Variants in SPMIP3 observed in about 807,000 individuals in gnomAD.
SPMIP3 encodes the protein protein SPMIP3.
the SPMIP3 span, among the ~76,000 whole-genome samples, chr1:244,377,743 G>A: frequency 6.6e-6 from 1 of 152,276 alleles, no homozygotes; most frequent in African/African-American, 2.4e-5. Flanking sequence ...GTACAGGAAG[G>A]TTGTAATGAT....
At chr1:244,389,217 A>G in the SPMIP3 span, 1 of 622,552 alleles carries the variant, frequency 1.6e-6, no homozygotes, top group Non-Finnish European at 2.8e-6. Flanking sequence ...TTTGCAGATT[A>G]AGTTGGTCAG....
At chr1:244,369,923 C>T in the SPMIP3 span, among the ~76,000 whole-genome samples, 23 of 152,092 alleles carry the variant, frequency 1.5e-4, no homozygotes, top group East Asian at 3.9e-4. Context: ...GGGAAGATGG[C>T]GCCTCCATGT....
the SPMIP3 span, among the ~76,000 whole-genome samples, chr1:244,384,467 G>C: frequency 1.3e-5 from 2 of 152,112 alleles, no homozygotes; most frequent in Non-Finnish European, 2.9e-5. Context: ...GCCTCCCAAA[G>C]TGCTGGGATT....
chr1:244,358,576 G>C, the SPMIP3 span, among the ~76,000 whole-genome samples: 105,617 of 149,886 alleles, frequency 0.7, 37,815 homozygotes, highest in South Asian at 0.8. Context: ...TAGAGTGAGA[G>C]TGTCTCAAAA....
the SPMIP3 span, among the ~76,000 whole-genome samples, chr1:244,380,791 G>A: frequency 3.3e-5 from 5 of 152,154 alleles, no homozygotes; most frequent in Non-Finnish European, 7.3e-5. Context: ...CTGGGTCCCA[G>A]GGAACAGCAA....
the SPMIP3 span, among the ~76,000 whole-genome samples, chr1:244,381,128 C>T: frequency 6.6e-6 from 1 of 151,844 alleles, no homozygotes; most frequent in African/African-American, 2.4e-5. Context: ...TGGGGATTAG[C>T]TTGACACGGG....
chr1:244,377,951 G>A, the SPMIP3 span, among the ~76,000 whole-genome samples: 2 of 152,156 alleles, frequency 1.3e-5, no homozygotes, highest in Non-Finnish European at 2.9e-5. Context: ...GACTACAGGT[G>A]TACACCCCCA....
chr1:244,366,827 C>T, the SPMIP3 span, among the ~76,000 whole-genome samples: 2 of 152,052 alleles, frequency 1.3e-5, no homozygotes, highest in Non-Finnish European at 2.9e-5. Context: ...TTGCGATGAG[C>T]CGAGATCGCA....
the SPMIP3 span, among the ~76,000 whole-genome samples, chr1:244,374,674 G>A: frequency 7.7e-6 from 1 of 130,316 alleles, no homozygotes; most frequent in South Asian, 2.4e-4. Flanking sequence ...TCAGCTCACT[G>A]CAACTTCTGC....
chr1:244,383,645 TA>T, the SPMIP3 span, among the ~76,000 whole-genome samples: 2 of 152,120 alleles, frequency 1.3e-5, no homozygotes, highest in African/African-American at 4.8e-5. Context: ...AAGGATAAGC[TA>T]AAAGTTAACT....
the SPMIP3 span, among the ~76,000 whole-genome samples, chr1:244,366,794 C>G: frequency 2.6e-5 from 4 of 152,090 alleles, no homozygotes; most frequent in Non-Finnish European, 5.9e-5. Flanking sequence ...GCAGGAGAAT[C>G]GCTTGAACCC....
the SPMIP3 span, among the ~76,000 whole-genome samples, chr1:244,355,537 G>T: frequency 6.6e-6 from 1 of 151,858 alleles, no homozygotes; most frequent in Non-Finnish European, 1.5e-5. Flanking sequence ...ACAGGCAAGC[G>T]CCACCACGCC....
chr1:244,370,905 C>A, the SPMIP3 span, among the ~76,000 whole-genome samples: 1 of 152,124 alleles, frequency 6.6e-6, no homozygotes, highest in Admixed American at 6.6e-5. Context: ...GAGAGTTAAT[C>A]ATGTTTACCT....
chr1:244,369,765 G>C, the SPMIP3 span, among the ~76,000 whole-genome samples: 10 of 152,298 alleles, frequency 6.6e-5, no homozygotes, highest in Admixed American at 5.2e-4. Context: ...GGAAGAACTG[G>C]TTAGGACTAG....
At chr1:244,357,204 G>C in the SPMIP3 span, among the ~76,000 whole-genome samples, 1 of 113,264 alleles carries the variant, frequency 8.8e-6, no homozygotes, top group Non-Finnish European at 2.1e-5. Flanking sequence ...TGACAGGCAC[G>C]AGCCACTGCA....
At chr1:244,370,759 C>T in the SPMIP3 span, among the ~76,000 whole-genome samples, 1 of 152,162 alleles carries the variant, frequency 6.6e-6, no homozygotes, top group African/African-American at 2.4e-5. Context: ...CACATACCCT[C>T]GGGTGGCAGA....
chr1:244,388,990 G>A, the SPMIP3 span: 45 of 1,613,716 alleles, frequency 2.8e-5, no homozygotes, highest in African/African-American at 3.6e-4. Flanking sequence ...CTGAATCCTC[G>A]ACCGCTTAAT....
At chr1:244,378,493 C>T in the SPMIP3 span, 1 of 1,613,582 alleles carries the variant, frequency 6.2e-7, no homozygotes, top group Non-Finnish European at 8.5e-7. Context: ...ACAATTCCAC[C>T]CAAGACAAAA....
chr1:244,374,184 C>G, the SPMIP3 span, among the ~76,000 whole-genome samples: 4 of 152,076 alleles, frequency 2.6e-5, no homozygotes, highest in Admixed American at 6.6e-5. Context: ...CACCATTGCC[C>G]TCCAGCCTGG....
Sources: gnomAD v4.1 joint callset for allele counts (sites outside exome capture counted in the v4.1 genomes callset) on GRCh38, gnomAD v4.1.1 for gene constraint, MANE v1.5 for transcripts, NCBI Gene and HGNC (gene_info 2026-07-23, HGNC 2026-07-21) for gene names.